Variants in PAWR observed in about 807,000 individuals in gnomAD.
PAWR encodes the protein pro-apoptotic WT1 regulator, also known as PRKC apoptosis WT1 regulator protein.
A neutral mutation model predicts 32.0 loss-of-function variants in PAWR; 23 were observed. The ratio of observed to expected loss-of-function variants is 0.72; its 90% CI spans 0.52 to 1.02. The LOEUF (loss-of-function observed/expected upper bound fraction) is 1.02. Among genes scored for constraint, PAWR ranks in the 50% least tolerant of loss-of-function variants. PAWR has a pLI of 0.00. For missense variants in PAWR, 457 were observed against 437.7 expected (o/e 1.04, Z -0.39); for synonymous variants, 226 against 187.1 (o/e 1.21, Z -1.70).
intron 2 of PAWR, among the ~76,000 whole-genome samples, chr12:79,665,986 T>C (rs192176162): frequency 9.2e-5 from 14 of 152,310 alleles, no homozygotes; most frequent in African/African-American, 3.4e-4. Context: ...GAAAGTATCA[T>C]CAGATAACTT....
chr12:79,655,020 C>T (rs953578163), intron 2 of PAWR, among the ~76,000 whole-genome samples: 4 of 152,126 alleles, frequency 2.6e-5, no homozygotes, highest in Admixed American at 6.5e-5. Flanking sequence ...TCTTTCAGCT[C>T]GCTAAGCTGC....
At chr12:79,681,981 T>C (rs2136883988) in intron 2 of PAWR, among the ~76,000 whole-genome samples, 1 of 152,338 alleles carries the variant, frequency 6.6e-6, no homozygotes, top group Admixed American at 6.5e-5. Flanking sequence ...CAATTGATAC[T>C]TTATGTAACC....
intron 2 of PAWR, among the ~76,000 whole-genome samples, chr12:79,655,542 T>C (rs553391901): frequency 6.6e-6 from 1 of 152,306 alleles, no homozygotes; most frequent in African/African-American, 2.4e-5. Context: ...CCCAGGTGAT[T>C]TTAACATGTA....
At chr12:79,624,586 A>G (rs1372281468) in intron 2 of PAWR, among the ~76,000 whole-genome samples, 1 of 152,172 alleles carries the variant, frequency 6.6e-6, no homozygotes, top group Non-Finnish European at 1.5e-5. Flanking sequence ...ATGAATCACA[A>G]CTTCTCTCCA....
At chr12:79,635,906 A>G (rs1357375088) in intron 2 of PAWR, among the ~76,000 whole-genome samples, 1 of 152,152 alleles carries the variant, frequency 6.6e-6, no homozygotes, top group Non-Finnish European at 1.5e-5. Context: ...TGTTTGCTGA[A>G]CTAAATACTA....
intron 2 of PAWR, among the ~76,000 whole-genome samples, chr12:79,662,857 T>C (rs2136827054): frequency 6.6e-6 from 1 of 152,300 alleles, no homozygotes; most frequent in Admixed American, 6.5e-5. Context: ...GTTTTTAAAG[T>C]GCTAATTATT....
rs1878226289 is a variant in PAWR at position 79,677,472 on chromosome 12, G to C, written c.516+12257C>G. Among the ~76,000 whole-genome samples the C allele has an allele frequency of 1.3e-5, 2 of 151,940 alleles. 1 individual carries two copies. Among genetic ancestry groups the C allele is most frequent in the South Asian group, 4.2e-4 (2 of 4,814 alleles). On this transcript the variant is annotated intron_variant, in intron 2 of 6. Transcript: ENST00000328827. ...TCTCCTTTTAAAAAAAGCTTAAAAT[G>C]AAATAATAAGACAATGTCAAGTTTA... is the stretch of plus-strand genomic sequence containing the variant.
At position 79,627,772 on chromosome 12, in the gene PAWR, T is replaced by C. The variant is rs537903791; in HGVS notation, c.517-6565A>G. Among the ~76,000 whole-genome samples the C allele has an allele frequency of 1.3e-3, 199 of 152,232 alleles. 1 individual carries two copies. Among genetic ancestry groups the C allele is most frequent in the African/African-American group, 4.5e-3 (186 of 41,514 alleles). ...AGAAGAGCTAACTATCCTAAATATA[T>C]ATGCACCCAATACAGGAGCACCCAG... On this transcript the variant is annotated intron_variant, in intron 2 of 6. Transcript: ENST00000328827.
At chr12:79,676,171 G>A (rs1878157020) in intron 2 of PAWR, among the ~76,000 whole-genome samples, 1 of 152,098 alleles carries the variant, frequency 6.6e-6, no homozygotes, top group South Asian at 2.1e-4. Flanking sequence ...ATCTAGAGCT[G>A]TTCTAAAAAT....
intron 4 of PAWR, among the ~76,000 whole-genome samples, chr12:79,609,763 C>T (rs369617816): frequency 1.1e-4 from 17 of 152,146 alleles, no homozygotes; most frequent in African/African-American, 2.7e-4. Context: ...TGGGTGCAAA[C>T]GCTAAAGGCT....
chr12:79,683,856 T>A (rs1878558183), intron 2 of PAWR, among the ~76,000 whole-genome samples: 1 of 152,148 alleles, frequency 6.6e-6, no homozygotes, highest in African/African-American at 2.4e-5. Context: ...AAACAAATGG[T>A]AGTAGGTGCC....
At chr12:79,673,121 G>A (rs1209983635) in intron 2 of PAWR, among the ~76,000 whole-genome samples, 1 of 152,094 alleles carries the variant, frequency 6.6e-6, no homozygotes, top group East Asian at 1.9e-4. Context: ...CCAGGCTGGA[G>A]TGCAGTGGTG....
At chr12:79,639,895 CCA>C (rs1876232277) in intron 2 of PAWR, among the ~76,000 whole-genome samples, 1 of 124,602 alleles carries the variant, frequency 8.0e-6, no homozygotes. Context: ...CCATTCCATT[CCA>C]TTCCATTCCA....
At chr12:79,672,011 TA>T (rs1877926576) in intron 2 of PAWR, among the ~76,000 whole-genome samples, 1 of 152,234 alleles carries the variant, frequency 6.6e-6, no homozygotes, top group African/African-American at 2.4e-5. Context: ...CCAATTGCTC[TA>T]AAGGAAAACC....
At chr12:79,594,700 CGTGTGTGTGTGT>C (rs34121968) in intron 5 of PAWR, among the ~76,000 whole-genome samples, 29,788 of 148,526 alleles carry the variant, frequency 0.2, 7,782 homozygotes, top group African/African-American at 0.6. Context: ...GATTTAACCT[CGTGTGTGTGTGT>C]GTGTGTGTGT....
Position 79,682,241 on chromosome 12 carries a change from TCCTGGGCTCAATTGATTCTCCCA to T in PAWR, c.516+7465_516+7487del, listed in dbSNP as rs145027169. On this transcript the variant is annotated intron_variant, in intron 2 of 6. Coordinates refer to ENST00000328827, the MANE Select transcript of PAWR (RefSeq NM_002583.4). Reference sequence around the variant, plus strand: ...GTCACGGCTCACTGCAGGCTCGACCTCCTGGGCTCAATTGATTCTCCCACCTTAGCTTCTCAAAGTGGTAGCAT... The same window carrying T: ...GTCACGGCTCACTGCAGGCTCGACCTCCTTAGCTTCTCAAAGTGGTAGCAT... Among the ~76,000 whole-genome samples, 843 of 152,248 alleles carry T rather than the reference TCCTGGGCTCAATTGATTCTCCCA, an allele frequency of 5.5e-3. 3 individuals are homozygous for T. The highest frequency in any genetic ancestry group is 0.017 in the Middle Eastern group (5 of 294).
At chr12:79,652,123 G>A (rs904508110) in intron 2 of PAWR, among the ~76,000 whole-genome samples, 15 of 152,112 alleles carry the variant, frequency 9.9e-5, no homozygotes, top group African/African-American at 3.4e-4. Flanking sequence ...TACTAGATAC[G>A]TAGTTTCAGT....
intron 2 of PAWR, among the ~76,000 whole-genome samples, chr12:79,633,501 A>G (rs1453643470): frequency 1.3e-5 from 2 of 152,176 alleles, no homozygotes; most frequent in Non-Finnish European, 2.9e-5. Flanking sequence ...TAGCAGCATA[A>G]AGTCAGCTGT....
chr12:79,659,298 A>T (rs1216569362), intron 2 of PAWR, among the ~76,000 whole-genome samples: 3 of 143,958 alleles, frequency 2.1e-5, no homozygotes, highest in Non-Finnish European at 4.5e-5. Context: ...AGTCTCAAAG[A>T]AAAAAAAAAA....
Sources: allele counts gnomAD v4.1 joint callset (sites outside exome capture counted in the v4.1 genomes callset), GRCh38; gene constraint gnomAD v4.1.1; transcripts MANE v1.5; gene names NCBI Gene and HGNC (gene_info 2026-07-23, HGNC 2026-07-21).